The following SEMA6D variants were observed in gnomAD, a reference collection of about 807,000 sequenced individuals.
The protein encoded by SEMA6D is semaphorin-6D.
A neutral mutation model predicts 106.6 loss-of-function variants in SEMA6D; 35 were observed. The observed-to-expected ratio is 0.33, with a 90% CI of 0.25 to 0.44. The LOEUF (loss-of-function observed/expected upper bound fraction) is 0.44. Among genes scored for constraint, SEMA6D ranks in the 20% least tolerant of loss-of-function variants. The probability of loss-of-function intolerance (pLI) is 1.00; values close to 1 mark genes in which losing one functional copy is unlikely to be tolerated. For synonymous variants in SEMA6D, 499 were observed against 487.7 expected, an observed-to-expected ratio of 1.02 and a Z score of -0.31; for missense variants, 1,185 against 1,345.9, an observed-to-expected ratio of 0.88 and a Z score of 1.87.
intron 4 of SEMA6D, among the ~76,000 whole-genome samples, chr15:47,681,700 A>G (rs2078356193): frequency 6.6e-6 from 1 of 152,224 alleles, no homozygotes; most frequent in African/African-American, 2.4e-5. Flanking sequence ...ATTGGACATA[A>G]TAATTAACCT....
At chr15:47,634,028 A>G (rs1478993216) in intron 4 of SEMA6D, among the ~76,000 whole-genome samples, 1 of 152,078 alleles carries the variant, frequency 6.6e-6, no homozygotes, top group Non-Finnish European at 1.5e-5. Flanking sequence ...TTTTTTATCT[A>G]TATCAAGAGA....
intron 1 of SEMA6D, among the ~76,000 whole-genome samples, chr15:47,239,729 G>A (rs550606108): frequency 1.5e-4 from 23 of 152,230 alleles, no homozygotes; most frequent in African/African-American, 3.1e-4. Context: ...TCAGTTTCAC[G>A]TATGGTAGAT....
chr15:47,363,361 G>A (rs1397722884), intron 1 of SEMA6D, among the ~76,000 whole-genome samples: 1 of 152,182 alleles, frequency 6.6e-6, no homozygotes, highest in African/African-American at 2.4e-5. Context: ...CAGACCTTAG[G>A]TGTGGCGGGG....
At chr15:47,765,249 GT>G (rs753666736) in intron 13 of SEMA6D, 193 bp downstream of exon 13, 30 of 1,363,770 alleles carry the variant, frequency 2.2e-5, no homozygotes, top group Non-Finnish European at 2.6e-5. Context: ...GGGGTGAATG[GT>G]TGATGAGTTT....
intron 3 of SEMA6D, among the ~76,000 whole-genome samples, chr15:47,588,090 C>A (rs1367842256): frequency 6.6e-6 from 1 of 152,138 alleles, no homozygotes; most frequent in Non-Finnish European, 1.5e-5. Context: ...GCAGAAAGGG[C>A]CTTTTCTCAC....
At chr15:47,519,054 G>A (rs942247125) in intron 3 of SEMA6D, among the ~76,000 whole-genome samples, 5 of 151,826 alleles carry the variant, frequency 3.3e-5, no homozygotes, top group Non-Finnish European at 4.4e-5. Flanking sequence ...GTGAAACCCT[G>A]TCTCTACTAA....
intron 3 of SEMA6D, among the ~76,000 whole-genome samples, chr15:47,553,440 C>T (rs1033964203): frequency 6.6e-6 from 1 of 152,110 alleles, no homozygotes; most frequent in Non-Finnish European, 1.5e-5. Context: ...TGCCCACACC[C>T]GCGCCTATCA....
At chr15:47,490,748 C>T (rs193016618) in intron 3 of SEMA6D, among the ~76,000 whole-genome samples, 2 of 152,140 alleles carry the variant, frequency 1.3e-5, no homozygotes, top group African/African-American at 4.8e-5. Flanking sequence ...AAATATTCCA[C>T]CAAGCAAATA....
chr15:47,331,153 G>A (rs1447651247), intron 1 of SEMA6D, among the ~76,000 whole-genome samples: 1 of 152,128 alleles, frequency 6.6e-6, no homozygotes, highest in Non-Finnish European at 1.5e-5. Context: ...GTGAAAAAGG[G>A]TCACCATAGG....
At chr15:47,545,980 A>C (rs2045510035) in intron 3 of SEMA6D, among the ~76,000 whole-genome samples, 1 of 152,098 alleles carries the variant, frequency 6.6e-6, no homozygotes, top group African/African-American at 2.4e-5. Context: ...AAGCATAGGG[A>C]CATGAGATTA....
chr15:47,518,203 A>C (rs1329457133), intron 3 of SEMA6D, among the ~76,000 whole-genome samples: 1 of 152,202 alleles, frequency 6.6e-6, no homozygotes, highest in Non-Finnish European at 1.5e-5. Flanking sequence ...AATTTTTAAT[A>C]ATGAGGAAAA....
intron 2 of SEMA6D, among the ~76,000 whole-genome samples, chr15:47,454,380 A>AT (rs1262532039): frequency 6.6e-6 from 1 of 151,878 alleles, no homozygotes; most frequent in Non-Finnish European, 1.5e-5. Flanking sequence ...CCAGAATACA[A>AT]TTTCATGCCA....
At chr15:47,247,889 G>C (rs747799997) in intron 1 of SEMA6D, among the ~76,000 whole-genome samples, 14 of 152,212 alleles carry the variant, frequency 9.2e-5, no homozygotes, top group Non-Finnish European at 1.8e-4. Context: ...TGGGAACTGT[G>C]TCAGACTTGA....
At chr15:47,235,719 T>A (rs1368179841) in intron 1 of SEMA6D, among the ~76,000 whole-genome samples, 1 of 152,154 alleles carries the variant, frequency 6.6e-6, no homozygotes, top group Non-Finnish European at 1.5e-5. Context: ...TTGGTTACTA[T>A]AACTTTGTAG....
intron 3 of SEMA6D, among the ~76,000 whole-genome samples, chr15:47,487,507 T>C (rs1450553638): frequency 6.6e-6 from 1 of 152,230 alleles, no homozygotes; most frequent in African/African-American, 2.4e-5. Context: ...TGCATATCTA[T>C]ACATGTATGT....
chr15:47,402,462 C>T (rs555455094), intron 1 of SEMA6D, among the ~76,000 whole-genome samples: 18 of 152,268 alleles, frequency 1.2e-4, no homozygotes, highest in African/African-American at 3.6e-4. Context: ...GTGTCACTCA[C>T]GTAACCACAA....
chr15:47,352,211 C>T (rs1217296826), intron 1 of SEMA6D, among the ~76,000 whole-genome samples: 2 of 151,982 alleles, frequency 1.3e-5, no homozygotes, highest in Non-Finnish European at 2.9e-5. Context: ...ATCTTTTTAT[C>T]TTTTTATTTT....
intron 4 of SEMA6D, among the ~76,000 whole-genome samples, chr15:47,651,455 C>G: frequency 6.6e-6 from 1 of 152,130 alleles, no homozygotes; most frequent in East Asian, 1.9e-4. Flanking sequence ...TAAATCCTGT[C>G]CTCAAAGAGC....
At chr15:47,657,819 C>T (rs557250085) in intron 4 of SEMA6D, among the ~76,000 whole-genome samples, 1 of 135,378 alleles carries the variant, frequency 7.4e-6, no homozygotes, top group Admixed American at 8.1e-5. Context: ...CGGCTCACTG[C>T]AAGCTCCGTG....
Sources: allele counts gnomAD v4.1 joint callset (sites outside exome capture counted in the v4.1 genomes callset), GRCh38; gene constraint gnomAD v4.1.1; transcripts MANE v1.5; gene names NCBI Gene and HGNC (gene_info 2026-07-23, HGNC 2026-07-21).